FNBP1L: variants seen among roughly 807,000 people sequenced by gnomAD.
The protein encoded by FNBP1L is formin-binding protein 1-like.
A neutral mutation model predicts 91.2 loss-of-function variants in FNBP1L; 36 were observed. The ratio of observed to expected loss-of-function variants is 0.39; its 90% confidence interval spans 0.30 to 0.52. The LOEUF (loss-of-function observed/expected upper bound fraction) is 0.52, where lower values mean the gene tolerates loss of function less well. Ranked by LOEUF, FNBP1L falls within the 20% of genes least tolerant of loss-of-function variation. FNBP1L has a pLI of 0.66. For synonymous variants in FNBP1L, 242 were observed against 237.0 expected (o/e 1.02, Z -0.19); for missense variants, 571 against 732.1 (o/e 0.78, Z 2.54).
intron 2 of FNBP1L, among the ~76,000 whole-genome samples, chr1:93,515,337 C>T (rs1275464030): frequency 6.6e-6 from 1 of 151,162 alleles, no homozygotes; most frequent in Admixed American, 6.6e-5. Flanking sequence ...CTAGTTCAAC[C>T]ATTGTGGAAG....
At position 93,461,704 on chromosome 1, in the gene FNBP1L, G is replaced by A. The variant is rs559249476; in HGVS notation, c.24+13399G>A. The stretch of plus-strand genomic sequence containing the variant: ...AACAAAATTAGGATTCTGTTAGGAA[G>A]AAGAGGAATAGGTATAAGGTATGCC... On this transcript the variant is annotated intron_variant, in intron 1 of 16. Transcript: ENST00000271234. 1.5e-4 allele frequency among the ~76,000 whole-genome samples: 23 copies of A among 152,350 alleles called. 1 individual carries two copies. The South Asian group carries it at 2.5e-3, about 16-fold the overall frequency.
At chr1:93,532,576 G>A (rs1345446613) in intron 7 of FNBP1L, among the ~76,000 whole-genome samples, 5 of 151,206 alleles carry the variant, frequency 3.3e-5, no homozygotes, top group Non-Finnish European at 4.4e-5. Flanking sequence ...ATGTTTTCTG[G>A]AAGCATAAAC....
intron 1 of FNBP1L, among the ~76,000 whole-genome samples, chr1:93,496,275 T>C (rs74342002): frequency 0.014 from 2,083 of 151,390 alleles, 53 homozygotes; most frequent in East Asian, 0.11. Flanking sequence ...TCCTTTCCTG[T>C]GGACAGGATC....
At chr1:93,472,965 A>G (rs1669354755) in intron 1 of FNBP1L, among the ~76,000 whole-genome samples, 1 of 152,022 alleles carries the variant, frequency 6.6e-6, no homozygotes, top group East Asian at 1.9e-4. Context: ...TATAGTATAG[A>G]AACTGCGTTT....
intron 1 of FNBP1L, among the ~76,000 whole-genome samples, chr1:93,455,233 AT>A (rs1300632694): frequency 6.6e-6 from 1 of 151,744 alleles, no homozygotes; most frequent in Admixed American, 6.6e-5. Flanking sequence ...TGGCCTGTTT[AT>A]TTTGCTGGAG....
intron 1 of FNBP1L, among the ~76,000 whole-genome samples, chr1:93,453,476 GA>G (rs553062254): frequency 9.5e-4 from 145 of 152,114 alleles, no homozygotes; most frequent in Non-Finnish European, 1.9e-3. Context: ...ATTTTGGCTG[GA>G]AACTTTAAAA....
rs1447883337 is a variant in FNBP1L, at chr1:93,529,677, G to A, written c.431G>A (p.Cys144Tyr). 6.6e-7 allele frequency: 1 copy of A among 1,510,734 alleles called. No individual in the cohort carries two copies. 93.6% of individuals were successfully genotyped at this position (1,510,734 alleles called of 1,614,324 possible). A position where few individuals can be genotyped will look rare whatever the true frequency, so the allele number is the denominator to read the frequency against. The change falls in exon 6 of 17, where the codon TGT (cysteine) becomes TAT (tyrosine). Residue 144 changes from cysteine to tyrosine, a missense_variant. Around this residue, in one of 5 missense-constraint regions of FNBP1L, gnomAD observed 220 missense variants for 313.6 expected, o/e 0.70. Coordinates refer to ENST00000271234, the MANE Select transcript of FNBP1L (RefSeq NM_001164473.3). ...DNSKKKFERE[C>Y]REAEKAQQSY... Reference sequence around the variant, plus strand: ...AGTAAAAAGAAGTTTGAAAGAGAATGTAGAGAGGCAGAAAAGGCACAACAG... The same window carrying A: ...AGTAAAAAGAAGTTTGAAAGAGAATATAGAGAGGCAGAAAAGGCACAACAG...
At position 93,461,424 on chromosome 1, in the gene FNBP1L, C is replaced by T. The variant is rs749043207; in HGVS notation, c.24+13119C>T. On this transcript the variant is annotated intron_variant, in intron 1 of 16. Coordinates refer to ENST00000271234, the MANE Select transcript of FNBP1L (RefSeq NM_001164473.3). Reference sequence around the variant, plus strand: ...TGTAACAAGAAATTTGGAGGTAGGCCGTCACTGGCGTGGGTTCACGAGATC... The same window carrying T: ...TGTAACAAGAAATTTGGAGGTAGGCTGTCACTGGCGTGGGTTCACGAGATC... 1.1e-4 allele frequency among the ~76,000 whole-genome samples: 11 copies of T among 104,030 alleles called. No individual in the cohort carries two copies. The South Asian group carries it at 1.2e-3, about 12-fold the overall frequency. 68.2% of individuals were successfully genotyped at this position (104,030 alleles called of 152,430 possible).
At chr1:93,497,198 G>T (rs999304101) in intron 1 of FNBP1L, among the ~76,000 whole-genome samples, 2 of 151,888 alleles carry the variant, frequency 1.3e-5, no homozygotes, top group African/African-American at 4.8e-5. Context: ...TCCTGAACTC[G>T]TGATCCGCCC....
At chr1:93,530,139 T>C (rs1401646234) in intron 6 of FNBP1L, among the ~76,000 whole-genome samples, 13 of 152,122 alleles carry the variant, frequency 8.5e-5, no homozygotes, top group Non-Finnish European at 2.9e-5. Context: ...TAAATAAGCA[T>C]TCCTTAATTT....
At chr1:93,472,444 A>G (rs1011437825) in intron 1 of FNBP1L, among the ~76,000 whole-genome samples, 3 of 152,060 alleles carry the variant, frequency 2.0e-5, no homozygotes, top group Non-Finnish European at 2.9e-5. Context: ...ATTCTTTACC[A>G]TGAATATTAT....
chr1:93,454,336 CTG>C (rs55899862), intron 1 of FNBP1L, among the ~76,000 whole-genome samples: 6,204 of 149,034 alleles, frequency 0.042, 393 homozygotes, highest in African/African-American at 0.14. Context: ...ATGGGTGTGT[CTG>C]TGTGTGTGTG....
chr1:93,534,541 G>A (rs1235348097), intron 8 of FNBP1L, among the ~76,000 whole-genome samples, 164 bp from the exon 9 acceptor site: 14 of 152,010 alleles, frequency 9.2e-5, no homozygotes, highest in Admixed American at 7.9e-4. Context: ...AATACTTTGA[G>A]TTTGTTACAC....
chr1:93,457,490 A>AT lies in FNBP1L; in HGVS notation c.24+9192dup, dbSNP rs1162552082. On this transcript the variant is annotated intron_variant, in intron 1 of 16. Transcript: ENST00000271234. ...TCCCTTGTGTGGTTGTTGGATTTTG[A>AT]TTTTTTTCCCCTGTATCTCTTGCTA... Among the ~76,000 whole-genome samples the AT allele has an allele frequency of 2.0e-5, 3 of 151,968 alleles. No homozygotes were observed. The South Asian group carries it at 6.2e-4, about 32-fold the overall frequency.
chr1:93,551,955 T>C, intron 16 of FNBP1L: 1 of 987,582 alleles, frequency 1.0e-6, no homozygotes, highest in Non-Finnish European at 1.2e-6. Context: ...CATAGAAAAA[T>C]ACACATTTGA....
intron 2 of FNBP1L, among the ~76,000 whole-genome samples, chr1:93,510,571 A>G (rs1447312982): frequency 1.5e-4 from 22 of 149,904 alleles, no homozygotes; most frequent in Non-Finnish European, 2.1e-4. Flanking sequence ...CCAAAGGAAC[A>G]CAGTTCCTCA....
chr1:93,523,274 A>G (rs903398808), intron 3 of FNBP1L, 70 bp from the exon 4 acceptor site: 4 of 1,418,894 alleles, frequency 2.8e-6, no homozygotes, highest in Non-Finnish European at 2.8e-6. Context: ...TGTTAGATTC[A>G]GTCCATACCT....
chr1:93,551,363 G>A lies in FNBP1L; in HGVS notation c.1810+258G>A, dbSNP rs188971505. ...ATTGATGCCTTTTGCTTTATGTCCC[G>A]CTTAAGTCTGTGTGAAGGATTTGTG... is the stretch of plus-strand genomic sequence containing the variant. On this transcript the variant is annotated intron_variant, in intron 16 of 16. Coordinates refer to ENST00000271234, the MANE Select transcript of FNBP1L (RefSeq NM_001164473.3). 15 of 1,118,246 alleles carry A rather than the reference G, an allele frequency of 1.3e-5. No homozygotes were observed. The East Asian group carries it at 4.8e-4, about 36-fold the overall frequency. The allele number at this position is 1,118,246 out of a possible 1,614,324, so 69.3% of individuals were successfully genotyped here.
At chr1:93,523,171 A>G (rs939092869) in intron 3 of FNBP1L, among the ~76,000 whole-genome samples, 173 bp from the exon 4 acceptor site, 9 of 152,244 alleles carry the variant, frequency 5.9e-5, no homozygotes, top group Non-Finnish European at 7.3e-5. Context: ...ACAAACATGT[A>G]TGACTTGAGC....
Sources: gnomAD v4.1 joint callset for allele counts (sites outside exome capture counted in the v4.1 genomes callset) on GRCh38, gnomAD v4.1.1 for gene constraint, gnomAD v4.1.1 regional missense constraint, MANE v1.5 for transcripts, NCBI Gene and HGNC (gene_info 2026-07-23, HGNC 2026-07-21) for gene names.